UBE2G2: variants seen among roughly 807,000 people sequenced by gnomAD.
UBE2G2 encodes the protein ubiquitin conjugating enzyme E2 G2.
Under a neutral mutation model 23.0 loss-of-function variants are expected in UBE2G2, and 10 were observed. The ratio of observed to expected loss-of-function variants is 0.43; its 90% confidence interval spans 0.27 to 0.74. The LOEUF (loss-of-function observed/expected upper bound fraction) is 0.74. UBE2G2 is among the 30% of genes least tolerant of loss of function. The probability of loss-of-function intolerance (pLI) is 0.19; values close to 1 mark genes in which losing one functional copy is unlikely to be tolerated. For synonymous variants in UBE2G2, 86 were observed against 81.3 expected, an observed-to-expected ratio of 1.06 and a Z score of -0.31; for missense variants, 150 against 218.3, an observed-to-expected ratio of 0.69 and a Z score of 1.97.
In UBE2G2 at chr21:44,769,615, T is replaced by C. The variant is rs2082856818; in HGVS notation, c.*1762A>G. ...GGATGGTCGCGATCTCCTGACCTCA[T>C]GATCCGCCCGCCTCAGTCTCCCAAA... On this transcript the variant is annotated 3_prime_UTR_variant, in exon 6 of 6. Coordinates refer to ENST00000345496, the MANE Select transcript of UBE2G2 (RefSeq NM_003343.6). 6.6e-6 allele frequency: 1 copy of C among 152,192 alleles called. No homozygotes were observed. Among genetic ancestry groups the C allele is most frequent in the Admixed American group, 6.5e-5 (1 of 15,282 alleles). The allele number at this position is 152,192 out of a possible 1,614,324, so 9.4% of individuals were successfully genotyped here.
intron 3 of UBE2G2, among the ~76,000 whole-genome samples, chr21:44,786,957 T>A (rs1195902532): frequency 1.3e-5 from 2 of 151,838 alleles, no homozygotes; most frequent in Non-Finnish European, 2.9e-5. Flanking sequence ...CCAGGCACGG[T>A]GGTGGGTACC....
At chr21:44,796,519 A>C (rs1230446001) in intron 1 of UBE2G2, among the ~76,000 whole-genome samples, 4 of 151,928 alleles carry the variant, frequency 2.6e-5, no homozygotes, top group Non-Finnish European at 5.9e-5. Context: ...ATACACACAC[A>C]AAAAAAACCA....
rs147760445 is a variant in UBE2G2 at position 44,780,415 on chromosome 21, A to G, written c.126-2998T>C. Among the ~76,000 whole-genome samples the G allele has an allele frequency of 3.4e-3, 522 of 152,364 alleles. 2 individuals are homozygous for G. The highest frequency in any genetic ancestry group is 0.012 in the African/African-American group (503 of 41,590). ...CAACCTCACTTCTCTTTCACCGAAG[A>G]TGGCCTCACCTGGGAATCTTCAAAA... On this transcript the variant is annotated intron_variant, in intron 3 of 5. Transcript: ENST00000345496.
intron 1 of UBE2G2, among the ~76,000 whole-genome samples, chr21:44,799,188 A>C (rs193178702): frequency 1.0e-3 from 152 of 152,312 alleles, no homozygotes; most frequent in South Asian, 4.4e-3. Flanking sequence ...CTCAGAGTAG[A>C]TTTAGCATAA....
intron 1 of UBE2G2, among the ~76,000 whole-genome samples, chr21:44,792,742 C>T (rs534654579): frequency 2.0e-5 from 3 of 152,200 alleles, no homozygotes; most frequent in Non-Finnish European, 4.4e-5. Context: ...AAAATTATTT[C>T]ACTCAAAATA....
chr21:44,781,381 A>C (rs2082954972), intron 3 of UBE2G2, among the ~76,000 whole-genome samples: 1 of 152,180 alleles, frequency 6.6e-6, no homozygotes. Flanking sequence ...CCTGCTCTGC[A>C]GTTCAGCAAA....
rs1555964917 is a variant in UBE2G2, at chr21:44,801,779, G to A, written c.-31C>T. ...CGCAACAGCTGCGCCGAGCGACCTCGCCTCAGCCGCGCGCGTGCCTCCTGC... is the reference window on the plus strand; with the variant it reads ...CGCAACAGCTGCGCCGAGCGACCTCACCTCAGCCGCGCGCGTGCCTCCTGC... On this transcript the variant is annotated 5_prime_UTR_variant, in exon 1 of 6. Transcript: ENST00000345496. The A allele has an allele frequency of 1.5e-5, 22 of 1,506,950 alleles. No individual in the cohort carries two copies. Among genetic ancestry groups the A allele is most frequent in the Non-Finnish European group, 1.9e-5 (22 of 1,131,146 alleles). 93.3% of individuals were successfully genotyped at this position (1,506,950 alleles called of 1,614,324 possible).
At chr21:44,779,805 C>G (rs1015666823) in intron 3 of UBE2G2, among the ~76,000 whole-genome samples, 1 of 152,162 alleles carries the variant, frequency 6.6e-6, no homozygotes, top group Non-Finnish European at 1.5e-5. Flanking sequence ...CTGGAAAATC[C>G]AAGGATGAAA....
At chr21:44,801,235 A>T in intron 1 of UBE2G2, 1 of 824,388 alleles carries the variant, frequency 1.2e-6, no homozygotes, top group African/African-American at 1.8e-5. Context: ...GACAGGTGGC[A>T]CTGTTCAAAA....
At chr21:44,787,815 C>A (rs780017015) in intron 3 of UBE2G2, 105 bp downstream of exon 3, 543 of 1,352,328 alleles carry the variant, frequency 4.0e-4, no homozygotes, top group Non-Finnish European at 5.0e-4. Flanking sequence ...AGAACTCAGT[C>A]TTTTTTCCAG....
At chr21:44,801,583 G>A (rs1211682099) in intron 1 of UBE2G2, 123 bp downstream of exon 1, 5 of 1,307,808 alleles carry the variant, frequency 3.8e-6, no homozygotes, top group African/African-American at 3.1e-5. Context: ...CCACAGGGGG[G>A]CTCACGGTGG....
intron 1 of UBE2G2, among the ~76,000 whole-genome samples, chr21:44,797,333 G>C (rs1285871598): frequency 2.6e-5 from 4 of 152,196 alleles, no homozygotes; most frequent in African/African-American, 9.7e-5. Context: ...AATATCCTTA[G>C]AAAATGCAAG....
At chr21:44,783,200 C>A (rs1247975135) in intron 3 of UBE2G2, among the ~76,000 whole-genome samples, 1 of 152,160 alleles carries the variant, frequency 6.6e-6, no homozygotes, top group African/African-American at 2.4e-5. Context: ...CAAGGAAATC[C>A]AAGTCAAATC....
intron 3 of UBE2G2, 37 bp from the exon 4 acceptor site, chr21:44,777,454 TAC>T (rs1402292051): frequency 1.3e-6 from 2 of 1,594,662 alleles, no homozygotes; most frequent in Non-Finnish European, 1.7e-6. Flanking sequence ...AACTTCAAAG[TAC>T]ATTTTTCAAC....
At chr21:44,787,791 C>A in intron 3 of UBE2G2, 129 bp downstream of exon 3, 1 of 985,576 alleles carries the variant, frequency 1.0e-6, no homozygotes, top group Non-Finnish European at 1.5e-6. Context: ...TAGACGAGAG[C>A]TGGGCATTAC....
chr21:44,791,936 T>G (rs1177106673), intron 1 of UBE2G2, among the ~76,000 whole-genome samples: 1 of 152,238 alleles, frequency 6.6e-6, no homozygotes, highest in African/African-American at 2.4e-5. Context: ...CCTGTATCAG[T>G]GTGCCCTGGA....
intron 1 of UBE2G2, among the ~76,000 whole-genome samples, chr21:44,798,935 A>G (rs1318116585): frequency 1.3e-5 from 2 of 152,214 alleles, no homozygotes; most frequent in Non-Finnish European, 2.9e-5. Context: ...TATTTCTTAA[A>G]TAAGTCAAAA....
chr21:44,793,970 C>T (rs910200963), intron 1 of UBE2G2, among the ~76,000 whole-genome samples: 3 of 151,938 alleles, frequency 2.0e-5, no homozygotes, highest in South Asian at 4.2e-4. Context: ...CCTCTACATG[C>T]TAGTACAGAA....
rs1347031295 is a variant in UBE2G2 at position 44,788,200 on chromosome 21, T to C, written c.44-105A>G. ...ATATAAGCCTATAAACCATAGAATA[T>C]GCATATTAACAAGTGAAAATTCTGT... On this transcript the variant is annotated intron_variant, in intron 1 of 5. Transcript: ENST00000345496. 4 of 1,092,012 alleles carry C rather than the reference T, an allele frequency of 3.7e-6. No individual in the cohort carries two copies. The African/African-American group carries it at 4.8e-5, about 13-fold the overall frequency. 67.6% of individuals were successfully genotyped at this position (1,092,012 alleles called of 1,614,324 possible). A position where few individuals can be genotyped will look rare whatever the true frequency, so the allele number is the denominator to read the frequency against.
Sources: allele counts gnomAD v4.1 joint callset (sites outside exome capture counted in the v4.1 genomes callset), GRCh38; gene constraint gnomAD v4.1.1; transcripts MANE v1.5; gene names NCBI Gene and HGNC (gene_info 2026-07-23, HGNC 2026-07-21).